The following MALRD1 variants were observed in gnomAD, a reference collection of about 807,000 sequenced individuals.
MALRD1 encodes the protein MAM and LDL receptor class A domain containing 1.
In MALRD1, 247 loss-of-function variants were observed where a neutral mutation model predicts 242.1. The observed-to-expected ratio is 1.02, with a 90% CI of 0.92 to 1.13. MALRD1 has a LOEUF of 1.13. Ranked by LOEUF, MALRD1 falls within the 50% of genes most tolerant of loss-of-function variation. MALRD1 has a pLI of 0.00. For missense variants in MALRD1, 2,989 were observed against 2,533.1 expected (o/e 1.18, Z -3.86); for synonymous variants, 995 against 866.6 (o/e 1.15, Z -2.60).
intron 32 of MALRD1, among the ~76,000 whole-genome samples, chr10:19,538,694 T>C (rs1280479439): frequency 6.6e-6 from 1 of 152,086 alleles, no homozygotes; most frequent in Admixed American, 6.6e-5. Flanking sequence ...ATTTTATTAC[T>C]CCAAACTTAA....
At chr10:19,392,618 A>C (rs777492757) in intron 28 of MALRD1, among the ~76,000 whole-genome samples, 30 of 152,180 alleles carry the variant, frequency 2.0e-4, no homozygotes, top group Non-Finnish European at 3.5e-4. Context: ...CTTTGGTTAC[A>C]TGAGAATTGC....
chr10:19,389,425 T>C (rs1846238211), intron 27 of MALRD1, 27 bp from the exon 28 acceptor site: 3 of 1,546,104 alleles, frequency 1.9e-6, no homozygotes, highest in African/African-American at 1.4e-5. Context: ...TATTTCGTTC[T>C]TCTCTGAATT....
chr10:19,506,193 T>C (rs1396124958), intron 31 of MALRD1, among the ~76,000 whole-genome samples: 1 of 152,214 alleles, frequency 6.6e-6, no homozygotes, highest in Non-Finnish European at 1.5e-5. Flanking sequence ...CTGTTGACTA[T>C]TGAAATTCTT....
intron 14 of MALRD1, among the ~76,000 whole-genome samples, chr10:19,191,195 C>T (rs1438321787): frequency 1.3e-5 from 2 of 152,126 alleles, no homozygotes; most frequent in African/African-American, 4.8e-5. Context: ...GGACATTTCT[C>T]CAATAAGCAT....
At chr10:19,726,083 A>G (rs1213491127) in intron 38 of MALRD1, among the ~76,000 whole-genome samples, 1 of 152,228 alleles carries the variant, frequency 6.6e-6, no homozygotes, top group African/African-American at 2.4e-5. Context: ...AAGCAACAAC[A>G]AAAAATAAAT....
At chr10:19,462,839 T>A (rs928215870) in intron 29 of MALRD1, among the ~76,000 whole-genome samples, 4 of 152,150 alleles carry the variant, frequency 2.6e-5, no homozygotes, top group Admixed American at 1.3e-4. Flanking sequence ...AGAGGAATGA[T>A]AATTCAAGAG....
At chr10:19,622,940 C>T (rs2131627878) in intron 36 of MALRD1, among the ~76,000 whole-genome samples, 2 of 152,014 alleles carry the variant, frequency 1.3e-5, no homozygotes, top group Middle Eastern at 3.4e-3. Context: ...AGTATTGGGG[C>T]AACTAGTAAG....
intron 38 of MALRD1, among the ~76,000 whole-genome samples, chr10:19,704,781 A>G (rs976380192): frequency 6.6e-6 from 1 of 152,196 alleles, no homozygotes; most frequent in African/African-American, 2.4e-5. Context: ...AGAAATGTAA[A>G]CCAAAATACT....
At chr10:19,426,517 T>A (rs543281637) in intron 28 of MALRD1, among the ~76,000 whole-genome samples, 1 of 152,216 alleles carries the variant, frequency 6.6e-6, no homozygotes, top group East Asian at 1.9e-4. Context: ...ATTTTCAAGC[T>A]TTGGCTGGGC....
chr10:19,695,563 A>G (rs907907529), intron 38 of MALRD1, among the ~76,000 whole-genome samples: 7 of 143,222 alleles, frequency 4.9e-5, no homozygotes, highest in African/African-American at 1.8e-4. Context: ...TCTGTTGCCC[A>G]GGCTGGAGTG....
chr10:19,454,754 T>C (rs774200978), intron 29 of MALRD1, among the ~76,000 whole-genome samples: 1 of 146,136 alleles, frequency 6.8e-6, no homozygotes. Context: ...ACACACATTA[T>C]ATGTACCGTA....
At chr10:19,726,054 A>C (rs2131924388) in intron 38 of MALRD1, among the ~76,000 whole-genome samples, 1 of 152,330 alleles carries the variant, frequency 6.6e-6, no homozygotes, top group East Asian at 1.9e-4. Context: ...TTCTTTCTTA[A>C]ATATGACACC....
At chr10:19,162,041 ACAG>A (rs147551677) in intron 12 of MALRD1, among the ~76,000 whole-genome samples, 20,561 of 145,082 alleles carry the variant, frequency 0.14, 1,496 homozygotes, top group Middle Eastern at 0.2. Context: ...AACAACAACA[ACAG>A]CAACAACAAC....
chr10:19,507,076 A>G (rs1833175631), intron 31 of MALRD1, among the ~76,000 whole-genome samples: 1 of 152,030 alleles, frequency 6.6e-6, no homozygotes, highest in South Asian at 2.1e-4. Flanking sequence ...AGAAAGTGGC[A>G]GGGAGAGGAG....
chr10:19,290,517 C>T (rs1014383900), intron 21 of MALRD1: 1 of 152,134 alleles, frequency 6.6e-6, no homozygotes, highest in Non-Finnish European at 1.5e-5. Flanking sequence ...ACAATATCAT[C>T]AGTTGCAATT....
chr10:19,548,818 G>A (rs1055587466), intron 32 of MALRD1, among the ~76,000 whole-genome samples: 10 of 152,240 alleles, frequency 6.6e-5, no homozygotes, highest in African/African-American at 1.7e-4. Flanking sequence ...GTGTTCAAGC[G>A]AAAGGAAGAA....
intron 30 of MALRD1, among the ~76,000 whole-genome samples, chr10:19,496,996 C>T (rs1837747987): frequency 6.6e-6 from 1 of 152,010 alleles, no homozygotes; most frequent in Non-Finnish European, 1.5e-5. Flanking sequence ...GAGAATTTAT[C>T]CTGATTGGAT....
At chr10:19,503,451 C>T (rs574194077) in intron 31 of MALRD1, among the ~76,000 whole-genome samples, 1 of 152,280 alleles carries the variant, frequency 6.6e-6, no homozygotes, top group African/African-American at 2.4e-5. Context: ...ATTTATGAGC[C>T]TTTTTGGAGA....
chr10:19,586,547 G>T (rs1837414256), intron 33 of MALRD1, among the ~76,000 whole-genome samples: 1 of 152,288 alleles, frequency 6.6e-6, no homozygotes, highest in African/African-American at 2.4e-5. Flanking sequence ...CAGGGGTCAG[G>T]GGTCAGGGAC....
Sources: allele counts gnomAD v4.1 joint callset (sites outside exome capture counted in the v4.1 genomes callset), GRCh38; gene constraint gnomAD v4.1.1; transcripts MANE v1.5; gene names NCBI Gene and HGNC (gene_info 2026-07-23, HGNC 2026-07-21).